Variants in C2CD3 observed in about 807,000 individuals in gnomAD.
C2CD3 encodes C2 domain-containing protein 3.
C2CD3 carries 148 observed loss-of-function variants against 234.0 expected under a neutral mutation model. That is an observed-to-expected ratio of 0.63 (90% confidence interval 0.55 to 0.72). The LOEUF is 0.72. Among genes scored for constraint, C2CD3 ranks in the 30% least tolerant of loss-of-function variants. The pLI is 0.00. For missense variants in C2CD3, 2,577 were observed against 2,811.5 expected (o/e 0.92, Z 1.89); for synonymous variants, 1,000 against 1,035.4 (o/e 0.97, Z 0.66).
At chr11:74,128,115 G>A (rs1411106634) in intron 7 of C2CD3, among the ~76,000 whole-genome samples, 4 of 152,118 alleles carry the variant, frequency 2.6e-5, no homozygotes, top group African/African-American at 7.2e-5. Flanking sequence ...CGCCTGCCTC[G>A]GCCTCCCAAA....
intron 25 of C2CD3, among the ~76,000 whole-genome samples, chr11:74,056,694 G>A (rs1197750089): frequency 1.3e-5 from 2 of 152,120 alleles, no homozygotes; most frequent in Non-Finnish European, 2.9e-5. Flanking sequence ...CTTTTCCAAG[G>A]ATGAAAATCC....
At chr11:74,040,908 GCACA>G (rs148961390) in intron 29 of C2CD3, among the ~76,000 whole-genome samples, 3 of 144,686 alleles carry the variant, frequency 2.1e-5, no homozygotes, top group African/African-American at 5.0e-5. Flanking sequence ...ACACACACAC[GCACA>G]CACACACACA....
chr11:74,033,296 T>C (rs1371493256), intron 31 of C2CD3, 55 bp downstream of exon 31: 2 of 1,456,526 alleles, frequency 1.4e-6, no homozygotes, highest in Non-Finnish European at 1.8e-6. Context: ...ACACTCACAC[T>C]AGGCTAGTCT....
intron 11 of C2CD3, among the ~76,000 whole-genome samples, chr11:74,109,670 T>G (rs1956669406): frequency 6.6e-6 from 1 of 152,152 alleles, no homozygotes; most frequent in Admixed American, 6.5e-5. Context: ...GGAGTCTATC[T>G]CTTGGGTGGA....
chr11:74,168,733 A>G (rs368083421), intron 1 of C2CD3, 120 bp from the exon 2 acceptor site: 4 of 868,736 alleles, frequency 4.6e-6, no homozygotes, highest in Non-Finnish European at 5.3e-6. Flanking sequence ...ATTTATCACC[A>G]CTTAGAAAGA....
chr11:74,111,872 A>G (rs1275953355), intron 11 of C2CD3, among the ~76,000 whole-genome samples: 1 of 150,884 alleles, frequency 6.6e-6, no homozygotes, highest in East Asian at 1.9e-4. Flanking sequence ...AACGTGGCCC[A>G]TGGAAGCCAA....
At chr11:74,044,824 T>C (rs1953279432) in intron 28 of C2CD3, among the ~76,000 whole-genome samples, 1 of 152,138 alleles carries the variant, frequency 6.6e-6, no homozygotes, top group African/African-American at 2.4e-5. Flanking sequence ...TTTCTGTTCT[T>C]GTGTTAATTC....
chr11:74,139,418 T>C (rs550005305), intron 4 of C2CD3, among the ~76,000 whole-genome samples, 187 bp downstream of exon 4: 1 of 152,202 alleles, frequency 6.6e-6, no homozygotes, highest in East Asian at 1.9e-4. Flanking sequence ...AATCATGTCT[T>C]ACTTATTTCT....
intron 30 of C2CD3, 70 bp from the exon 31 acceptor site, chr11:74,034,348 C>T (rs1297525904): frequency 6.7e-7 from 1 of 1,483,024 alleles, no homozygotes; most frequent in South Asian, 1.3e-5. Flanking sequence ...CCACACTAGC[C>T]TTTAGCTTCA....
rs138398942 is a variant in C2CD3 at position 74,092,422 on chromosome 11, A to T, written c.3511T>A (p.Ser1171Thr). The T allele has an allele frequency of 3.3e-5, 53 of 1,613,064 alleles. No individual in the cohort carries two copies. In the African/African-American group the frequency reaches 6.5e-4, roughly 20 times the overall value. The change falls in exon 19 of 33, where the codon TCA becomes ACA. Residue 1171 changes from serine to threonine, a missense_variant. Coordinates refer to ENST00000334126, the MANE Select transcript of C2CD3 (RefSeq NM_001286577.2). ...CAAACTTGTTTTCAATTACCTGATG[A>T]CTGGTTCCTCAATTCTTTCCTGTTC... ...IENRKELRNQ[S>T]SGLLDVGLRY...
At chr11:74,151,986 A>G (rs1855696837) in intron 3 of C2CD3, among the ~76,000 whole-genome samples, 1 of 152,212 alleles carries the variant, frequency 6.6e-6, no homozygotes, top group South Asian at 2.1e-4. Context: ...AATGAACTTG[A>G]ATATAGAGTA....
rs1263421157 is a variant in C2CD3 at position 74,078,704 on chromosome 11, C to T, written c.4014G>A (p.Trp1338Ter). Residue 1338 changes from tryptophan (W) to a stop codon, truncating the protein, a stop_gained, in exon 23 of 33, where the codon TGG (tryptophan) becomes TGA (stop). Transcript: ENST00000334126. LOFTEE classifies it high-confidence loss of function. ...LLIKRSGITG[W>*]YPIILPEDGG... ...CGTCTTCTGGTAAAATGATAGGATA[C>T]CATCCTGTGATCCCTTACGGGAGAA... 1 of 1,602,034 alleles carries T rather than the reference C, an allele frequency of 6.2e-7. No homozygotes were observed. Among genetic ancestry groups the T allele is most frequent in the Non-Finnish European group, 8.5e-7 (1 of 1,174,764 alleles).
At position 74,049,545 on chromosome 11, in the gene C2CD3, G is replaced by A; in HGVS notation, c.5156-3C>T. ...AAAGCCAATCACCCTCTCCTCATCT[G>A]TAGAGGAAAGAGAAGAGCTGGGCAA... is the stretch of plus-strand genomic sequence containing the variant. On this transcript the variant is annotated splice_region_variant and splice_polypyrimidine_tract_variant and intron_variant, in intron 26 of 32. Transcript: ENST00000334126. 1 of 1,610,992 alleles carries A rather than the reference G, an allele frequency of 6.2e-7. No individual in the cohort carries two copies. Among genetic ancestry groups the A allele is most frequent in the Non-Finnish European group, 8.5e-7 (1 of 1,179,046 alleles).
At chr11:74,137,423 T>C (rs1957900656) in intron 5 of C2CD3, among the ~76,000 whole-genome samples, 1 of 151,950 alleles carries the variant, frequency 6.6e-6, no homozygotes, top group East Asian at 1.9e-4. Context: ...AGTCTGGTGC[T>C]CAAGTCTACA....
At chr11:74,027,876 G>A (rs1039699816) in intron 32 of C2CD3, among the ~76,000 whole-genome samples, 17 of 152,196 alleles carry the variant, frequency 1.1e-4, no homozygotes, top group African/African-American at 3.6e-4. Flanking sequence ...GAGGTGTTTT[G>A]TAAATGGCAA....
At chr11:74,130,313 A>G (rs1343535404) in intron 7 of C2CD3, among the ~76,000 whole-genome samples, 1 of 150,748 alleles carries the variant, frequency 6.6e-6, no homozygotes, top group Non-Finnish European at 1.5e-5. Context: ...GTATCCTTGA[A>G]CTCCTGGGCT....
intron 13 of C2CD3, 96 bp downstream of exon 13, chr11:74,106,275 G>T: frequency 8.4e-7 from 1 of 1,191,366 alleles, no homozygotes; most frequent in Non-Finnish European, 1.2e-6. Context: ...CAAGATCAAA[G>T]ACCTTGCTTT....
intron 8 of C2CD3, 22 bp from the exon 9 acceptor site, chr11:74,118,404 G>C (rs1159473136): frequency 1.3e-6 from 2 of 1,591,802 alleles, no homozygotes. Context: ...AAGAAACAGA[G>C]ACACTAAATG....
intron 7 of C2CD3, among the ~76,000 whole-genome samples, chr11:74,123,977 C>T (rs764403488): frequency 2.6e-5 from 4 of 152,130 alleles, no homozygotes; most frequent in Non-Finnish European, 4.4e-5. Context: ...GTGATCCACC[C>T]ACCTTGGCCT....
Sources: allele counts gnomAD v4.1 joint callset (sites outside exome capture counted in the v4.1 genomes callset), GRCh38; gene constraint gnomAD v4.1.1; transcripts MANE v1.5; gene names NCBI Gene and HGNC (gene_info 2026-07-23, HGNC 2026-07-21).